The following HIC2 variants were observed in gnomAD, a reference collection of about 807,000 sequenced individuals.
The protein encoded by HIC2 is hypermethylated in cancer 2 protein.
Under a neutral mutation model 39.5 loss-of-function variants are expected in HIC2, and 2 were observed. The observed-to-expected ratio is 0.05, with a 90% CI of 0.02 to 0.16. The LOEUF is 0.16. Ranked by LOEUF, HIC2 falls within the 10% of genes least tolerant of loss-of-function variation. The pLI is 1.00. For synonymous variants in HIC2, 399 were observed against 368.8 expected (o/e 1.08, Z -0.94); for missense variants, 713 against 863.5 (o/e 0.83, Z 2.18).
In HIC2 at chr22:21,451,274, TCA is replaced by T. The variant is rs1299193208; in HGVS notation, c.*4534_*4535del. The T allele has an allele frequency of 1.3e-5, 2 of 152,922 alleles. No individual in the cohort carries two copies. Among genetic ancestry groups the T allele is most frequent in the Non-Finnish European group, 2.9e-5 (2 of 68,042 alleles). The allele number at this position is 152,922 out of a possible 1,614,324, so 9.5% of individuals were successfully genotyped here. Reference sequence around the variant, plus strand: ...TACTGGCCACCGCCGCTGTCACTTGTCACATTGAGTTCATGTCCCTTGAGAGT... The same window carrying T: ...TACTGGCCACCGCCGCTGTCACTTGTCATTGAGTTCATGTCCCTTGAGAGT... On this transcript the variant is annotated 3_prime_UTR_variant, in exon 3 of 3. Coordinates refer to ENST00000407464, the MANE Select transcript of HIC2 (RefSeq NM_015094.3).
rs757830819 is a variant in HIC2 at position 21,445,949 on chromosome 22, C to A, written c.1054C>A (p.Arg352=). Reference sequence around the variant, plus strand: ...GCCTGTGGCTGGCTCCCCCTTTGAGCGGAGAGAAGCAGGGCCCAAGGGTCC... The same window carrying A: ...GCCTGTGGCTGGCTCCCCCTTTGAGAGGAGAGAAGCAGGGCCCAAGGGTCC... ...KEPVAGSPFE[R]REAGPKGPCP... is the part of the protein sequence containing the mutation. The change falls in exon 3 of 3, where the codon CGG becomes AGG. Residue 352 remains arginine, a synonymous_variant. Transcript: ENST00000407464. 2.8e-5 allele frequency: 44 copies of A among 1,569,172 alleles called. No individual in the cohort carries two copies. Among genetic ancestry groups the A allele is most frequent in the Non-Finnish European group, 3.7e-5 (43 of 1,161,114 alleles).
chr22:21,437,845 G>GC (rs1333260498), intron 1 of HIC2, among the ~76,000 whole-genome samples: 2 of 71,688 alleles, frequency 2.8e-5, no homozygotes, highest in South Asian at 1.2e-3. Context: ...GCCGTGGGCG[G>GC]CCCTGCTCAC....
rs752377838 is a variant in HIC2, at chr22:21,445,996, G to C, written c.1101G>C (p.Glu367Asp). 8.3e-6 allele frequency: 13 copies of C among 1,567,298 alleles called. No homozygotes were observed. The African/African-American group carries it at 1.6e-4, about 20-fold the overall frequency. The change falls in exon 3 of 3, where the codon GAG becomes GAC. Residue 367 changes from glutamate (E) to aspartate (D), a missense_variant. By Grantham distance (45) the Glu-to-Asp change is conservative. Around this residue, in one of 5 missense-constraint regions of HIC2, gnomAD observed 457 missense variants for 420.2 expected, o/e 1.09. Transcript: ENST00000407464. Reference protein sequence around the residue: ...PKGPCPGEEGEGVGDRVPNGI... With the variant: ...PKGPCPGEEGDGVGDRVPNGI... ...GTCCCTGCCCGGGAGAGGAGGGTGAGGGGGTCGGGGACAGGGTTCCCAATG... is the reference window on the plus strand; with the variant it reads ...GTCCCTGCCCGGGAGAGGAGGGTGACGGGGTCGGGGACAGGGTTCCCAATG...
intron 1 of HIC2, among the ~76,000 whole-genome samples, chr22:21,425,814 C>A (rs1295054390): frequency 1.4e-4 from 21 of 146,106 alleles, no homozygotes; most frequent in South Asian, 2.2e-4. Context: ...TGGGTTCAAG[C>A]GATTCTCCTG....
Position 21,444,947 on chromosome 22 carries a change from G to C in HIC2, c.52G>C (p.Asp18His). 1 of 1,612,998 alleles carries C rather than the reference G, an allele frequency of 6.2e-7. No individual in the cohort carries two copies. Among genetic ancestry groups the C allele is most frequent in the Non-Finnish European group, 8.5e-7 (1 of 1,179,892 alleles). ...GTGGTGCGCGTGGGCAGGGCGCGGG[G>C]ACATGGGGCCCGACATGGAGCTGCC... ...LRWCAWAGRG[D>H]MGPDMELPSH... Residue 18 changes from aspartate (D) to histidine (H), a missense_variant, in exon 3 of 3, where the codon GAC (aspartate) becomes CAC (histidine). Physicochemically the swap from Asp to His is moderately conservative, Grantham distance 81. Around this residue, in one of 5 missense-constraint regions of HIC2, gnomAD observed 102 missense variants for 187.1 expected, o/e 0.55. Transcript: ENST00000407464.
At chr22:21,418,070 G>A (rs1219086375) in intron 1 of HIC2, among the ~76,000 whole-genome samples, 3 of 140,786 alleles carry the variant, frequency 2.1e-5, no homozygotes, top group East Asian at 2.8e-4. Context: ...CCTCCTCCCC[G>A]CGGGAAGACT....
intron 1 of HIC2, among the ~76,000 whole-genome samples, chr22:21,438,177 G>C (rs1305296046): frequency 6.6e-6 from 1 of 152,288 alleles, no homozygotes; most frequent in Non-Finnish European, 1.5e-5. Flanking sequence ...TCTGAAGGCA[G>C]GGTTATCATG....
chr22:21,449,039 C>G lies in HIC2; in HGVS notation c.*2296C>G, dbSNP rs1422216712. The G allele has an allele frequency of 1.3e-5, 2 of 152,714 alleles. No individual in the cohort carries two copies. Among genetic ancestry groups the G allele is most frequent in the African/African-American group, 2.4e-5 (1 of 41,450 alleles). 9.5% of individuals were successfully genotyped at this position (152,714 alleles called of 1,614,324 possible). A position where few individuals can be genotyped will look rare whatever the true frequency, so the allele number is the denominator to read the frequency against. Reference sequence around the variant, plus strand: ...AGTAGGTGATTCCTTTGCAGAACTTCAGGGACTGGGAGCAGAGGCCCCTCA... The same window carrying G: ...AGTAGGTGATTCCTTTGCAGAACTTGAGGGACTGGGAGCAGAGGCCCCTCA... On this transcript the variant is annotated 3_prime_UTR_variant, in exon 3 of 3. Transcript: ENST00000407464.
In HIC2 at chr22:21,445,153, C is replaced by G; in HGVS notation, c.258C>G (p.Asp86Glu). The G allele has an allele frequency of 1.9e-6, 3 of 1,614,218 alleles. No individual in the cohort carries two copies. The highest frequency in any genetic ancestry group is 2.5e-6 in the Non-Finnish European group (3 of 1,180,040). Residue 86 changes from aspartate (D) to glutamate (E), a missense_variant, in exon 3 of 3, where the codon GAC becomes GAG. Physicochemically the swap from Asp to Glu is conservative, Grantham distance 45. Around this residue, in one of 5 missense-constraint regions of HIC2, gnomAD observed 102 missense variants for 187.1 expected, o/e 0.55. Transcript: ENST00000407464. The stretch of plus-strand genomic sequence containing the variant: ...ACAACCTCATCAACCTGGACACAGA[C>G]ATGGTCAGCTCCACAGTGTTCCAGC... Reference protein sequence around the residue: ...LHDNLINLDTDMVSSTVFQQI... With the variant: ...LHDNLINLDTEMVSSTVFQQI...
chr22:21,425,377 CT>C (rs536223536), intron 1 of HIC2, among the ~76,000 whole-genome samples: 4 of 135,432 alleles, frequency 3.0e-5, no homozygotes, highest in Admixed American at 1.5e-4. Context: ...ATGCATGAGG[CT>C]TTTTTTTTTT....
In HIC2 at chr22:21,448,576, CCAAAAAAATACAGAGTCAT is replaced by C. The variant is rs1429202737; in HGVS notation, c.*1835_*1853del. On this transcript the variant is annotated 3_prime_UTR_variant, in exon 3 of 3. Coordinates refer to ENST00000407464, the MANE Select transcript of HIC2 (RefSeq NM_015094.3). ...CTTTTCATTCTATTTTAAGTTTAGACCAAAAAAATACAGAGTCATCCCCTACCCCCACCCCTCTAGAGAC... is the reference window on the plus strand; with the variant it reads ...CTTTTCATTCTATTTTAAGTTTAGACCCCCTACCCCCACCCCTCTAGAGAC... 1 of 152,482 alleles carries C rather than the reference CCAAAAAAATACAGAGTCAT, an allele frequency of 6.6e-6. No homozygotes were observed. Among genetic ancestry groups the C allele is most frequent in the Non-Finnish European group, 1.5e-5 (1 of 67,976 alleles). 9.4% of individuals were successfully genotyped at this position (152,482 alleles called of 1,614,324 possible).
chr22:21,445,584 G>C lies in HIC2; in HGVS notation c.689G>C (p.Cys230Ser). 1.3e-6 allele frequency: 2 copies of C among 1,582,126 alleles called. No homozygotes were observed. The highest frequency in any genetic ancestry group is 1.7e-6 in the Non-Finnish European group (2 of 1,165,188). The part of the protein sequence containing the change: ...PAGGEAGLGG[C>S]SSSTNGSSGG... The stretch of plus-strand genomic sequence containing the variant: ...GGCGGGGAGGCGGGTCTGGGGGGCT[G>C]CAGCAGCAGCACCAACGGGAGCAGC... Residue 230 changes from cysteine (C) to serine (S), a missense_variant, in exon 3 of 3, where the codon TGC becomes TCC. Cys to Ser is a moderately radical substitution (Grantham distance 112). Around this residue, in one of 5 missense-constraint regions of HIC2, gnomAD observed 457 missense variants for 420.2 expected, o/e 1.09. Transcript: ENST00000407464.
chr22:21,446,773 A>C lies in HIC2; in HGVS notation c.*30A>C. 1 of 1,572,570 alleles carries C rather than the reference A, an allele frequency of 6.4e-7. No homozygotes were observed. The highest frequency in any genetic ancestry group is 2.3e-5 in the East Asian group (1 of 44,396). On this transcript the variant is annotated 3_prime_UTR_variant, in exon 3 of 3. Transcript: ENST00000407464. ...CAAAGACCCGCGGGCGCCCTCTGCC[A>C]CCTTGCTCCCCGGGAACCCATGGAA...
At chr22:21,444,436 C>T (rs139775238) in intron 2 of HIC2, among the ~76,000 whole-genome samples, 277 of 152,296 alleles carry the variant, frequency 1.8e-3, no homozygotes, top group African/African-American at 6.4e-3. Context: ...TGGGCCCTGC[C>T]GTATTTCAAA....
In HIC2 at chr22:21,446,478, G is replaced by C; in HGVS notation, c.1583G>C (p.Trp528Ser). 6.2e-7 allele frequency: 1 copy of C among 1,612,536 alleles called. No individual in the cohort carries two copies. The highest frequency in any genetic ancestry group is 8.5e-7 in the Non-Finnish European group (1 of 1,180,034). The change falls in exon 3 of 3, where the codon TGG becomes TCG. Residue 528 changes from tryptophan to serine, a missense_variant. By Grantham distance (177) the Trp-to-Ser change is radical. This residue lies in a region of HIC2 where 103 missense variants were observed against 103.4 expected (regional missense o/e 1.00). Coordinates refer to ENST00000407464, the MANE Select transcript of HIC2 (RefSeq NM_015094.3). ...ATLRQHEKTH[W>S]LTRPFPCNIC... is the part of the protein sequence containing the mutation. Reference sequence around the variant, plus strand: ...CTGCGGCAGCACGAGAAGACGCACTGGCTGACACGGCCCTTCCCCTGCAAC... The same window carrying C: ...CTGCGGCAGCACGAGAAGACGCACTCGCTGACACGGCCCTTCCCCTGCAAC...
chr22:21,444,339 AG>A (rs2148341061), intron 2 of HIC2, among the ~76,000 whole-genome samples: 1 of 152,364 alleles, frequency 6.6e-6, no homozygotes, highest in South Asian at 2.1e-4. Context: ...AGTGCGAGGC[AG>A]CCCAGGGCCT....
chr22:21,446,356 G>C lies in HIC2; in HGVS notation c.1461G>C (p.Glu487Asp). Residue 487 changes from glutamate (E) to aspartate (D), a missense_variant, in exon 3 of 3, where the codon GAG becomes GAC. Glu to Asp is a conservative substitution (Grantham distance 45, BLOSUM62 2). Around this residue, in one of 5 missense-constraint regions of HIC2, gnomAD observed 103 missense variants for 103.4 expected, o/e 1.00. Coordinates refer to ENST00000407464, the MANE Select transcript of HIC2 (RefSeq NM_015094.3). ...CAGGCAGTGGGGGTGCCGAGGAGGA[G>C]GCCGAGGACCTGTCAGCACCCAGTG... ...YETGSGGAEE[E>D]AEDLSAPSAA... 1 of 1,612,936 alleles carries C rather than the reference G, an allele frequency of 6.2e-7. No homozygotes were observed. The highest frequency in any genetic ancestry group is 1.1e-5 in the South Asian group (1 of 91,084).
chr22:21,445,458 C>T lies in HIC2; in HGVS notation c.563C>T (p.Pro188Leu), dbSNP rs1381192586. 5 of 1,540,878 alleles carry T rather than the reference C, an allele frequency of 3.2e-6. No individual in the cohort carries two copies. The East Asian group carries it at 1.1e-4, about 35-fold the overall frequency. ...LVDGRKGAHA[P>L]QELPQAKGSD... ...GATGGGCGCAAGGGGGCCCACGCCC[C>T]CCAGGAGCTCCCCCAAGCCAAAGGC... The change falls in exon 3 of 3, where the codon CCC becomes CTC. Residue 188 changes from proline (P) to leucine (L), a missense_variant. By Grantham distance (98) the Pro-to-Leu change is moderately conservative. Coordinates refer to ENST00000407464, the MANE Select transcript of HIC2 (RefSeq NM_015094.3).
In HIC2 at chr22:21,446,094, A is replaced by C; in HGVS notation, c.1199A>C (p.Glu400Ala). 1.2e-6 allele frequency: 2 copies of C among 1,607,880 alleles called. No individual in the cohort carries two copies. Among genetic ancestry groups the C allele is most frequent in the Non-Finnish European group, 1.7e-6 (2 of 1,179,738 alleles). Residue 400 changes from glutamate to alanine, a missense_variant, in exon 3 of 3, where the codon GAG (glutamate) becomes GCG (alanine). Coordinates refer to ENST00000407464, the MANE Select transcript of HIC2 (RefSeq NM_015094.3). ...EPPYPCKEEE[E>A]NGKDASEDSA... ...CCCTACCCCTGCAAGGAGGAGGAGG[A>C]GAACGGCAAGGATGCAAGTGAAGAC...
Sources: gnomAD v4.1 joint callset for allele counts (sites outside exome capture counted in the v4.1 genomes callset) on GRCh38, gnomAD v4.1.1 for gene constraint, gnomAD v4.1.1 regional missense constraint, MANE v1.5 for transcripts, NCBI Gene and HGNC (gene_info 2026-07-23, HGNC 2026-07-21) for gene names.